The following PPP1R16B variants were observed in gnomAD, a reference collection of about 807,000 sequenced individuals.
The protein encoded by PPP1R16B is protein phosphatase 1 regulatory subunit 16B, also known as protein phosphatase 1 regulatory inhibitor subunit 16B.
Under a neutral mutation model 61.7 loss-of-function variants are expected in PPP1R16B, and 14 were observed. That is an observed-to-expected ratio of 0.23 (90% CI 0.15 to 0.35). PPP1R16B has a LOEUF of 0.35. PPP1R16B is among the 10% of genes least tolerant of loss of function. The pLI is 1.00. For synonymous variants in PPP1R16B, 266 were observed against 305.3 expected (o/e 0.87, Z 1.34); for missense variants, 547 against 752.5 (o/e 0.73, Z 3.19).
intron 3 of PPP1R16B, among the ~76,000 whole-genome samples, chr20:38,890,700 G>A (rs535042445): frequency 6.6e-6 from 1 of 152,330 alleles, no homozygotes; most frequent in South Asian, 2.1e-4. Context: ...CTTTCCCCAT[G>A]CTGGCATACA....
intron 2 of PPP1R16B, among the ~76,000 whole-genome samples, chr20:38,887,406 G>A (rs1022521798): frequency 8.5e-5 from 13 of 152,156 alleles, no homozygotes; most frequent in Admixed American, 1.3e-4. Flanking sequence ...TGCAGACAGG[G>A]CTCACATCAC....
intron 2 of PPP1R16B, among the ~76,000 whole-genome samples, chr20:38,862,969 T>C (rs532505391): frequency 3.0e-4 from 46 of 152,314 alleles, no homozygotes; most frequent in African/African-American, 1.0e-3. Flanking sequence ...CTGGTCTATA[T>C]GAAGGAGTGG....
chr20:38,898,744 A>C (rs1407443009), intron 4 of PPP1R16B, among the ~76,000 whole-genome samples: 1 of 152,120 alleles, frequency 6.6e-6, no homozygotes, highest in Non-Finnish European at 1.5e-5. Flanking sequence ...TGGGAGGCGG[A>C]GGTTGCAGTG....
At chr20:38,895,457 T>C (rs1601297050) in intron 3 of PPP1R16B, 108 bp from the exon 4 acceptor site, 1 of 1,311,544 alleles carries the variant, frequency 7.6e-7, no homozygotes, top group Non-Finnish European at 1.1e-6. Context: ...CAAACAGGCC[T>C]TCCACAGTCT....
rs140182423 is a variant in PPP1R16B at position 38,895,780 on chromosome 20, C to G, written c.467+70C>G. The G allele has an allele frequency of 7.3e-6, 9 of 1,225,984 alleles. No individual in the cohort carries two copies. The African/African-American group carries it at 9.4e-5, about 13-fold the overall frequency. 75.9% of individuals were successfully genotyped at this position (1,225,984 alleles called of 1,614,324 possible). A position where few individuals can be genotyped will look rare whatever the true frequency, so the allele number is the denominator to read the frequency against. ...GTCTTTTTCCAACTTCCTTCTTTCTCTCCTCCCTCCCTCCTTCCTTCTTTC... is the reference window on the plus strand; with the variant it reads ...GTCTTTTTCCAACTTCCTTCTTTCTGTCCTCCCTCCCTCCTTCCTTCTTTC... On this transcript the variant is annotated intron_variant, in intron 4 of 10. Transcript: ENST00000299824.
At chr20:38,834,236 C>T (rs577642500) in intron 1 of PPP1R16B, among the ~76,000 whole-genome samples, 1 of 152,282 alleles carries the variant, frequency 6.6e-6, no homozygotes, top group African/African-American at 2.4e-5. Flanking sequence ...GTCTGGAACT[C>T]CTGGCCTCAA....
chr20:38,900,042 C>T (rs1052641860), intron 4 of PPP1R16B, among the ~76,000 whole-genome samples: 1 of 152,140 alleles, frequency 6.6e-6, no homozygotes, highest in Non-Finnish European at 1.5e-5. Flanking sequence ...GATCCGCCCG[C>T]CTCGCCCTCC....
Position 38,902,727 on chromosome 20 carries a change from G to A in PPP1R16B, c.631G>A (p.Asp211Asn). Residue 211 changes from aspartate to asparagine, a missense_variant, in exon 6 of 11, where the codon GAC (aspartate) becomes AAC (asparagine). Physicochemically the swap from Asp to Asn is conservative, Grantham distance 23. Coordinates refer to ENST00000299824, the MANE Select transcript of PPP1R16B (RefSeq NM_015568.4). ...RVAPEQQMIADIHCMIAAGQD... is the reference protein window; with the variant it reads ...RVAPEQQMIANIHCMIAAGQD... Reference sequence around the variant, plus strand: ...GGCTCCTGAGCAGCAGATGATTGCGGACATCCACTGCATGATCGCAGCGGG... The same window carrying A: ...GGCTCCTGAGCAGCAGATGATTGCGAACATCCACTGCATGATCGCAGCGGG... The A allele has an allele frequency of 1.2e-6, 2 of 1,614,224 alleles. No individual in the cohort carries two copies. The highest frequency in any genetic ancestry group is 8.5e-7 in the Non-Finnish European group (1 of 1,180,044).
chr20:38,864,569 A>T (rs2145739501), intron 2 of PPP1R16B, among the ~76,000 whole-genome samples: 1 of 152,320 alleles, frequency 6.6e-6, no homozygotes, highest in African/African-American at 2.4e-5. Context: ...GCTAGTTAGC[A>T]GACCTGGAAT....
rs1396255680 is a variant in PPP1R16B at position 38,918,710 on chromosome 20, G to A, written c.*44G>A. The A allele has an allele frequency of 1.3e-6, 2 of 1,484,366 alleles. No individual in the cohort carries two copies. Among genetic ancestry groups the A allele is most frequent in the Admixed American group, 2.4e-5 (1 of 42,366 alleles). The allele number at this position is 1,484,366 out of a possible 1,614,324, so 91.9% of individuals were successfully genotyped here. A position where few individuals can be genotyped will look rare whatever the true frequency, so the allele number is the denominator to read the frequency against. On this transcript the variant is annotated 3_prime_UTR_variant, in exon 11 of 11. Transcript: ENST00000299824. The surrounding 1 kb of genome is among the most constrained non-coding windows in gnomAD (Gnocchi z 5.3). Reference sequence around the variant, plus strand: ...GGGAGATGCCTGGGGAGGGGCTCCTGGAATCCAGGCCAGCCCAACAGCCCT... The same window carrying A: ...GGGAGATGCCTGGGGAGGGGCTCCTAGAATCCAGGCCAGCCCAACAGCCCT...
chr20:38,831,668 C>T (rs564822598), intron 1 of PPP1R16B, among the ~76,000 whole-genome samples: 19 of 152,254 alleles, frequency 1.2e-4, no homozygotes, highest in Admixed American at 9.8e-4. Flanking sequence ...ATGGTGATGC[C>T]GTGTGAGCCC....
At chr20:38,847,824 G>C (rs1201610175) in intron 2 of PPP1R16B, among the ~76,000 whole-genome samples, 2 of 152,156 alleles carry the variant, frequency 1.3e-5, no homozygotes, top group African/African-American at 4.8e-5. Flanking sequence ...TATATTTTCT[G>C]CAGTGCGTGT....
intron 3 of PPP1R16B, among the ~76,000 whole-genome samples, chr20:38,891,340 T>C (rs1480000523): frequency 2.0e-5 from 3 of 152,174 alleles, no homozygotes; most frequent in Non-Finnish European, 4.4e-5. Context: ...CATTGGGTGG[T>C]TGTGAGGATT....
chr20:38,896,953 C>G (rs1601299799), intron 4 of PPP1R16B, among the ~76,000 whole-genome samples: 1 of 152,078 alleles, frequency 6.6e-6, no homozygotes, highest in South Asian at 2.1e-4. Flanking sequence ...TCGAGACCAG[C>G]CTGACCAACA....
chr20:38,835,790 A>T, intron 1 of PPP1R16B, 35 bp from the exon 2 acceptor site: 1 of 1,066,422 alleles, frequency 9.4e-7, no homozygotes, highest in Non-Finnish European at 1.3e-6. Flanking sequence ...GGAGTCTGAC[A>T]CATGTGTTCA....
intron 3 of PPP1R16B, among the ~76,000 whole-genome samples, chr20:38,894,581 C>G (rs1568678052): frequency 6.6e-6 from 1 of 152,246 alleles, no homozygotes; most frequent in South Asian, 2.1e-4. Flanking sequence ...TCCCATTGCA[C>G]TGATGACCAA....
intron 2 of PPP1R16B, among the ~76,000 whole-genome samples, chr20:38,860,512 T>G (rs1186171881): frequency 6.6e-6 from 1 of 152,240 alleles, no homozygotes; most frequent in Non-Finnish European, 1.5e-5. Flanking sequence ...TGGGGCGGTA[T>G]AGCCCTGGAT....
At chr20:38,810,058 T>G (rs981761921) in intron 1 of PPP1R16B, among the ~76,000 whole-genome samples, 1 of 149,752 alleles carries the variant, frequency 6.7e-6, no homozygotes, top group African/African-American at 2.5e-5. Context: ...TATTAATAAG[T>G]GCTCACAGAT....
intron 3 of PPP1R16B, among the ~76,000 whole-genome samples, chr20:38,890,690 C>A (rs944047944): frequency 6.6e-6 from 1 of 152,246 alleles, no homozygotes; most frequent in African/African-American, 2.4e-5. Flanking sequence ...GTCCTAGCAT[C>A]TTTCCCCATG....
Sources: allele counts gnomAD v4.1 joint callset (sites outside exome capture counted in the v4.1 genomes callset), GRCh38; gene constraint gnomAD v4.1.1; non-coding constraint Gnocchi (gnomAD v3.1); transcripts MANE v1.5; gene names NCBI Gene and HGNC (gene_info 2026-07-23, HGNC 2026-07-21).